SV2C: variants seen among roughly 807,000 people sequenced by gnomAD.
SV2C encodes solute carrier family 22 member B3.
SV2C carries 49 observed loss-of-function variants against 79.7 expected under a neutral mutation model. The ratio of observed to expected loss-of-function variants is 0.61; its 90% CI spans 0.49 to 0.78. The LOEUF is 0.78. SV2C is among the 30% of genes least tolerant of loss of function. SV2C has a pLI of 0.00. For synonymous variants in SV2C, 334 were observed against 333.2 expected (o/e 1.00, Z -0.03); for missense variants, 833 against 912.9 (o/e 0.91, Z 1.13).
chr5:76,350,770 C>T (rs984634628), intron 12 of SV2C, among the ~76,000 whole-genome samples: 1 of 152,056 alleles, frequency 6.6e-6, no homozygotes, highest in Non-Finnish European at 1.5e-5. Flanking sequence ...AATCCCAGCA[C>T]TTTGGGAGGC....
At chr5:76,026,849 A>C in the SV2C span, among the ~76,000 whole-genome samples, 2 of 152,106 alleles carry the variant, frequency 1.3e-5, no homozygotes, top group African/African-American at 4.8e-5. Flanking sequence ...GCGCTGGGGA[A>C]GTGGGAGTTC....
intron 4 of SV2C, among the ~76,000 whole-genome samples, chr5:76,264,052 G>A (rs773233653): frequency 2.6e-5 from 4 of 152,042 alleles, no homozygotes; most frequent in African/African-American, 7.2e-5. Flanking sequence ...CCTTCTCCCC[G>A]TCAATGTCAG....
chr5:76,151,179 A>G lies in SV2C; in HGVS notation c.580+18849A>G, dbSNP rs1749592313. Among the ~76,000 whole-genome samples, 5 of 152,160 alleles carry G rather than the reference A, an allele frequency of 3.3e-5. No individual in the cohort carries two copies. In the South Asian group the frequency reaches 1.0e-3, roughly 32 times the overall value. Reference sequence around the variant, plus strand: ...GTGGATAGAATTTGGACTTGCAGAGATGGAGCTGGGTAAATGGTGTTTCTG... The same window carrying G: ...GTGGATAGAATTTGGACTTGCAGAGGTGGAGCTGGGTAAATGGTGTTTCTG... On this transcript the variant is annotated intron_variant, in intron 2 of 12. Transcript: ENST00000502798.
At chr5:76,121,271 C>G (rs1748484581) in intron 1 of SV2C, among the ~76,000 whole-genome samples, 2 of 152,062 alleles carry the variant, frequency 1.3e-5, no homozygotes, top group African/African-American at 4.8e-5. Context: ...GATATTAGCC[C>G]TTTGTCAGAT....
chr5:76,129,821 T>A (rs774151590), intron 1 of SV2C, among the ~76,000 whole-genome samples: 21 of 152,274 alleles, frequency 1.4e-4, no homozygotes, highest in Non-Finnish European at 2.6e-4. Context: ...CTAACCAGAA[T>A]TTGGAGCTCA....
At chr5:76,023,581 T>C in the SV2C span, among the ~76,000 whole-genome samples, 1 of 152,054 alleles carries the variant, frequency 6.6e-6, no homozygotes. Flanking sequence ...CTTCCCAAAG[T>C]AAGCAATGTT....
chr5:75,933,074 A>G, the SV2C span, among the ~76,000 whole-genome samples: 2 of 152,204 alleles, frequency 1.3e-5, no homozygotes, highest in Non-Finnish European at 2.9e-5. Flanking sequence ...GGTCTATGCA[A>G]CTGATGTTTC....
At chr5:76,245,874 A>C (rs1049918828) in intron 4 of SV2C, among the ~76,000 whole-genome samples, 30 of 151,920 alleles carry the variant, frequency 2.0e-4, no homozygotes, top group Admixed American at 1.9e-3. Context: ...AGTATAAACT[A>C]AAACAGGAAC....
chr5:76,253,862 A>G (rs1164705004), intron 4 of SV2C, among the ~76,000 whole-genome samples: 1 of 152,186 alleles, frequency 6.6e-6, no homozygotes, highest in East Asian at 1.9e-4. Context: ...TCCATGTATT[A>G]TGAGAAGAAA....
chr5:76,103,944 G>C (rs1747821882), intron 1 of SV2C, among the ~76,000 whole-genome samples: 1 of 152,156 alleles, frequency 6.6e-6, no homozygotes, highest in Non-Finnish European at 1.5e-5. Context: ...TATCCCTCAT[G>C]AACATAGACA....
At chr5:76,173,514 C>T (rs1057293269) in intron 2 of SV2C, 5 of 1,045,534 alleles carry the variant, frequency 4.8e-6, no homozygotes, top group African/African-American at 4.7e-5. Flanking sequence ...AAGGGTACCA[C>T]CACAGGAAAG....
the SV2C span, among the ~76,000 whole-genome samples, chr5:75,867,971 G>A: frequency 6.6e-6 from 1 of 152,198 alleles, no homozygotes; most frequent in Non-Finnish European, 1.5e-5. Flanking sequence ...AGTCTGTTGG[G>A]AGAGATAAAG....
chr5:76,242,319 G>T, intron 4 of SV2C: 1 of 1,460,048 alleles, frequency 6.8e-7, no homozygotes, highest in Non-Finnish European at 9.5e-7. Context: ...ACGGCAGCGG[G>T]ACATAGGTGC....
chr5:76,122,885 G>A (rs552862971), intron 1 of SV2C, among the ~76,000 whole-genome samples: 20 of 152,108 alleles, frequency 1.3e-4, no homozygotes, highest in Non-Finnish European at 2.8e-4. Context: ...GAGCAGAACT[G>A]AAGGAAATAC....
chr5:76,040,834 A>G, the SV2C span, among the ~76,000 whole-genome samples: 2 of 152,222 alleles, frequency 1.3e-5, no homozygotes, highest in Non-Finnish European at 2.9e-5. Context: ...TCTTCTTGAC[A>G]TGTTTTCAAA....
chr5:75,890,939 T>A, the SV2C span, among the ~76,000 whole-genome samples: 1 of 151,954 alleles, frequency 6.6e-6, no homozygotes. Context: ...GATATTAGAG[T>A]CAAGATATTA....
chr5:76,168,563 CA>C (rs1743113794), intron 2 of SV2C, among the ~76,000 whole-genome samples: 1 of 152,200 alleles, frequency 6.6e-6, no homozygotes, highest in Non-Finnish European at 1.5e-5. Flanking sequence ...CCAAATGCCC[CA>C]AGATGGTCGG....
At chr5:76,265,867 C>T (rs1054670699) in intron 4 of SV2C, among the ~76,000 whole-genome samples, 3 of 152,182 alleles carry the variant, frequency 2.0e-5, no homozygotes, top group African/African-American at 7.2e-5. Context: ...AGAAATCACC[C>T]ACCTTTTGTG....
intron 1 of SV2C, chr5:76,084,224 C>G (rs527843484): frequency 9.8e-5 from 15 of 152,390 alleles, no homozygotes; most frequent in African/African-American, 3.1e-4. Context: ...ACCTTTTGGG[C>G]GCCTGCTGTG....
Sources: gnomAD v4.1 joint callset for allele counts (sites outside exome capture counted in the v4.1 genomes callset) on GRCh38, gnomAD v4.1.1 for gene constraint, MANE v1.5 for transcripts, NCBI Gene and HGNC (gene_info 2026-07-23, HGNC 2026-07-21) for gene names.